Variants in LHFPL4 observed in about 807,000 individuals in gnomAD.
The protein encoded by LHFPL4 is LHFPL tetraspan subfamily member 4, also known as LHFPL tetraspan subfamily member 4 protein.
Under a neutral mutation model 20.0 loss-of-function variants are expected in LHFPL4, and 6 were observed. That is an observed-to-expected ratio of 0.30 (90% CI 0.16 to 0.59). The LOEUF is 0.59. Ranked by LOEUF, LHFPL4 falls within the 20% of genes least tolerant of loss-of-function variation. The probability of loss-of-function intolerance (pLI) is 0.88; values close to 1 mark genes in which losing one functional copy is unlikely to be tolerated. For missense variants in LHFPL4, 215 were observed against 331.2 expected (o/e 0.65, Z 2.72); for synonymous variants, 129 against 143.8 (o/e 0.90, Z 0.74).
intron 2 of LHFPL4, among the ~76,000 whole-genome samples, chr3:9,542,350 G>A (rs1008876625): frequency 2.0e-5 from 3 of 152,102 alleles, no homozygotes; most frequent in Non-Finnish European, 4.4e-5. Context: ...CCAAAAGGTG[G>A]AACAACCCAA....
At position 9,515,165 on chromosome 3, in the gene LHFPL4, G is replaced by C. The variant is rs368542237; in HGVS notation, c.407-8962C>G. Among the ~76,000 whole-genome samples the C allele has an allele frequency of 8.3e-4, 127 of 152,298 alleles. 1 individual carries two copies. The South Asian group carries it at 9.3e-3, about 11-fold the overall frequency. ...TTGCTCCACGTCCTACCAGCATTTG[G>C]TGTCAGTGTTCTGGATGTTGGCCAT... On this transcript the variant is annotated intron_variant, in intron 2 of 3. Transcript: ENST00000287585.
chr3:9,531,759 C>A (rs1011349773), intron 2 of LHFPL4, among the ~76,000 whole-genome samples: 1 of 151,618 alleles, frequency 6.6e-6, no homozygotes, highest in African/African-American at 2.4e-5. Flanking sequence ...CAAGATGGGC[C>A]ACTGCACTCC....
At chr3:9,523,481 T>A (rs1307019901) in intron 2 of LHFPL4, among the ~76,000 whole-genome samples, 1 of 151,248 alleles carries the variant, frequency 6.6e-6, no homozygotes, top group African/African-American at 2.4e-5. Context: ...TTTATTTATT[T>A]ATTTATTTTG....
At chr3:9,516,759 C>A (rs932039080) in intron 2 of LHFPL4, among the ~76,000 whole-genome samples, 9 of 148,598 alleles carry the variant, frequency 6.1e-5, no homozygotes, top group African/African-American at 1.5e-4. Flanking sequence ...CAGGCGTGAG[C>A]CATTGCGCCC....
At chr3:9,517,302 C>G (rs78017364) in intron 2 of LHFPL4, among the ~76,000 whole-genome samples, 26,369 of 152,004 alleles carry the variant, frequency 0.17, 3,904 homozygotes, top group East Asian at 0.39. Context: ...TTGGCAAGAA[C>G]AAACATCTTG....
chr3:9,503,312 T>C (rs1374374678), intron 3 of LHFPL4, among the ~76,000 whole-genome samples: 1 of 152,168 alleles, frequency 6.6e-6, no homozygotes, highest in Non-Finnish European at 1.5e-5. Context: ...GGGGGCCCAC[T>C]TCACATCAGT....
chr3:9,506,221 G>A lies in LHFPL4; in HGVS notation c.407-18C>T, dbSNP rs755553991. On this transcript the variant is annotated intron_variant, in intron 2 of 3. Transcript: ENST00000287585. The surrounding 1 kb of genome is among the most constrained non-coding windows in gnomAD (Gnocchi z 4.5). The stretch of plus-strand genomic sequence containing the variant: ...GCACAGAGCTGAGGGGCAGAGCACC[G>A]GGCCCACCACCACGGTCAGGAAGGA... 2.0e-5 allele frequency: 31 copies of A among 1,587,916 alleles called. No homozygotes were observed. Among genetic ancestry groups the A allele is most frequent in the Admixed American group, 5.0e-5 (3 of 59,944 alleles).
At chr3:9,546,122 T>C (rs1416829225) in intron 2 of LHFPL4, among the ~76,000 whole-genome samples, 3 of 151,966 alleles carry the variant, frequency 2.0e-5, no homozygotes, top group African/African-American at 7.3e-5. Flanking sequence ...GAGACCAGCC[T>C]GGCCAACATG....
At chr3:9,513,125 A>G (rs1186999927) in intron 2 of LHFPL4, among the ~76,000 whole-genome samples, 3 of 151,964 alleles carry the variant, frequency 2.0e-5, no homozygotes, top group Admixed American at 6.5e-5. Context: ...ACTCCCGGCT[A>G]ATTTTTTTGT....
intron 2 of LHFPL4, among the ~76,000 whole-genome samples, chr3:9,509,358 C>T (rs1056550027): frequency 6.6e-6 from 1 of 151,856 alleles, no homozygotes; most frequent in African/African-American, 2.4e-5. Context: ...CATTCAACTC[C>T]CTCCTCCTCT....
chr3:9,505,983 G>C lies in LHFPL4; in HGVS notation c.627C>G (p.Leu209=). The change falls in exon 3 of 4, where the codon CTC becomes CTG. Residue 209 remains leucine (L), a synonymous_variant. Transcript: ENST00000287585. ...CACACTCGCCTTTGTTCTCCGGCTT[G>C]AGCTCCTCCTGCAGCAGGTCTGTTT... is the stretch of plus-strand genomic sequence containing the variant. The part of the protein sequence containing the change: ...NRQTDLLQEE[L]KPENKDFVGS... 1 of 1,614,182 alleles carries C rather than the reference G, an allele frequency of 6.2e-7. No homozygotes were observed. The highest frequency in any genetic ancestry group is 8.5e-7 in the Non-Finnish European group (1 of 1,180,032).
At chr3:9,517,808 GTT>G (rs1294844205) in intron 2 of LHFPL4, among the ~76,000 whole-genome samples, 10 of 116,700 alleles carry the variant, frequency 8.6e-5, no homozygotes, top group Non-Finnish European at 1.1e-4. Flanking sequence ...TTTGTTTTTT[GTT>G]TTTTTTTTTT....
intron 2 of LHFPL4, among the ~76,000 whole-genome samples, chr3:9,544,540 G>C (rs2046499566): frequency 1.3e-5 from 2 of 152,116 alleles, no homozygotes; most frequent in Admixed American, 1.3e-4. Context: ...CAGGAGAATT[G>C]CGTGAACCCG....
intron 2 of LHFPL4, among the ~76,000 whole-genome samples, chr3:9,517,796 TTTTTGTTTTTTG>T (rs1174439612): frequency 1.6e-5 from 2 of 125,504 alleles, no homozygotes; most frequent in Non-Finnish European, 3.7e-5. Context: ...AGGTTGGGTT[TTTTTGTTTTTTG>T]TTTTTTTTTT....
chr3:9,547,957 C>A (rs1046999635), intron 2 of LHFPL4, among the ~76,000 whole-genome samples: 1 of 152,158 alleles, frequency 6.6e-6, no homozygotes, highest in African/African-American at 2.4e-5. Context: ...AGGCACATGC[C>A]ATCACAACTG....
At chr3:9,504,902 A>G (rs747399483) in intron 3 of LHFPL4, among the ~76,000 whole-genome samples, 11 of 151,700 alleles carry the variant, frequency 7.3e-5, no homozygotes, top group African/African-American at 9.7e-5. Context: ...TTCGAGCTCA[A>G]TAAATATATC....
In LHFPL4 at chr3:9,505,995, C is replaced by A. The variant is rs765869985; in HGVS notation, c.615G>T (p.Leu205=). Reference sequence around the variant, plus strand: ...TGTTCTCCGGCTTGAGCTCCTCCTGCAGCAGGTCTGTTTGCCGGTTGCCCA... The same window carrying A: ...TGTTCTCCGGCTTGAGCTCCTCCTGAAGCAGGTCTGTTTGCCGGTTGCCCA... ...FVLGNRQTDL[L]QEELKPENKD... The change falls in exon 3 of 4, where the codon CTG becomes CTT. Residue 205 remains leucine (L), a synonymous_variant. Transcript: ENST00000287585. 6.2e-7 allele frequency: 1 copy of A among 1,614,210 alleles called. No homozygotes were observed. The highest frequency in any genetic ancestry group is 1.1e-5 in the South Asian group (1 of 91,086).
rs1179790833 is a variant in LHFPL4, at chr3:9,533,910, T to TA, written c.406+18363dup. On this transcript the variant is annotated intron_variant, in intron 2 of 3. Transcript: ENST00000287585. ...TCTTTGGGCTGTAGATTTATGACTT[T>TA]AAAAAAAAAAAGGTTGCATAGGGTC... is the stretch of plus-strand genomic sequence containing the variant. Among the ~76,000 whole-genome samples, 217 of 147,016 alleles carry TA rather than the reference T, an allele frequency of 1.5e-3. 1 individual carries two copies. Among genetic ancestry groups the TA allele is most frequent in the African/African-American group, 4.8e-3 (191 of 40,192 alleles).
intron 2 of LHFPL4, among the ~76,000 whole-genome samples, chr3:9,545,960 A>G (rs1438537258): frequency 2.0e-5 from 3 of 152,064 alleles, no homozygotes; most frequent in Admixed American, 6.6e-5. Flanking sequence ...TGAATATTCT[A>G]TGCCATAGTG....
Sources: gnomAD v4.1 joint callset for allele counts (sites outside exome capture counted in the v4.1 genomes callset) on GRCh38, gnomAD v4.1.1 for gene constraint, Gnocchi (gnomAD v3.1) non-coding constraint, MANE v1.5 for transcripts, NCBI Gene and HGNC (gene_info 2026-07-23, HGNC 2026-07-21) for gene names.